ZBBX: variants seen among roughly 807,000 people sequenced by gnomAD.
ZBBX encodes the protein zinc finger B-box domain containing.
A neutral mutation model predicts 108.5 loss-of-function variants in ZBBX; 101 were observed. The observed-to-expected ratio is 0.93, with a 90% CI of 0.79 to 1.10. ZBBX has a LOEUF of 1.10. Ranked by LOEUF, ZBBX falls within the 50% of genes least tolerant of loss-of-function variation. The probability of loss-of-function intolerance (pLI) is 0.00; values close to 1 mark genes in which losing one functional copy is unlikely to be tolerated. For missense variants in ZBBX, 1,009 were observed against 941.4 expected (o/e 1.07, Z -0.94); for synonymous variants, 356 against 323.4 (o/e 1.10, Z -1.08).
At chr3:167,287,654 A>G (rs1322918903) in intron 19 of ZBBX, among the ~76,000 whole-genome samples, 1 of 152,130 alleles carries the variant, frequency 6.6e-6, no homozygotes, top group African/African-American at 2.4e-5. Flanking sequence ...TGTCTTTGTA[A>G]TAAATTTCTC....
At chr3:167,183,523 T>C in the ZBBX span, among the ~76,000 whole-genome samples, 1 of 152,242 alleles carries the variant, frequency 6.6e-6, no homozygotes, top group Non-Finnish European at 1.5e-5. Flanking sequence ...ATCAGGGGGC[T>C]GACAGCCTTC....
intron 18 of ZBBX, among the ~76,000 whole-genome samples, chr3:167,292,097 A>C (rs1730792239): frequency 6.6e-6 from 1 of 152,110 alleles, no homozygotes; most frequent in South Asian, 2.1e-4. Context: ...CTCCTATACA[A>C]TAATAGTGGG....
rs147712616 is a variant in ZBBX, at chr3:167,262,526, T to G, written c.2254+19712A>C. Among the ~76,000 whole-genome samples, 452 of 152,302 alleles carry G rather than the reference T, an allele frequency of 3.0e-3. 2 individuals are homozygous for G. The highest frequency in any genetic ancestry group is 0.01 in the African/African-American group (422 of 41,556). On this transcript the variant is annotated intron_variant, in intron 20 of 21. Coordinates refer to ENST00000675490, the MANE Select transcript of ZBBX (RefSeq NM_001199201.2). The stretch of plus-strand genomic sequence containing the variant: ...TTTATATTGGGAGACATTTTTGGTT[T>G]GTTTGTTTGTTTTGAGATGGGGTTT...
the ZBBX span, among the ~76,000 whole-genome samples, chr3:167,193,010 C>G: frequency 5.9e-5 from 9 of 152,060 alleles, no homozygotes; most frequent in Admixed American, 1.3e-4. Flanking sequence ...GTCATGGTTT[C>G]CTGCTTGCTG....
chr3:167,372,891 T>C lies in ZBBX; in HGVS notation c.11A>G (p.Lys4Arg), dbSNP rs1266413895. The C allele has an allele frequency of 1.2e-6, 2 of 1,601,402 alleles. No individual in the cohort carries two copies. Among genetic ancestry groups the C allele is most frequent in the African/African-American group, 2.7e-5 (2 of 74,326 alleles). MNR[K>R]DFVVLPWGKP... ...TCCCCATGGAAGAACTACAAAATCT[T>C]TTCTGTTCATGATTACCACCTTAAT... The change falls in exon 4 of 22, where the codon AAA (lysine) becomes AGA (arginine). Residue 4 changes from lysine to arginine, a missense_variant. Coordinates refer to ENST00000675490, the MANE Select transcript of ZBBX (RefSeq NM_001199201.2).
chr3:167,276,248 T>A (rs957240360), intron 20 of ZBBX, among the ~76,000 whole-genome samples: 8 of 152,198 alleles, frequency 5.3e-5, no homozygotes, highest in Non-Finnish European at 8.8e-5. Flanking sequence ...GGAGAATGAC[T>A]TTGACGAGCT....
chr3:167,234,602 C>T, the ZBBX span, among the ~76,000 whole-genome samples: 1 of 151,724 alleles, frequency 6.6e-6, no homozygotes, highest in Non-Finnish European at 1.5e-5. Flanking sequence ...ATTTAAATCT[C>T]AAAAGAATTG....
At chr3:167,293,538 A>G (rs1281493121) in intron 18 of ZBBX, among the ~76,000 whole-genome samples, 1 of 152,230 alleles carries the variant, frequency 6.6e-6, no homozygotes. Flanking sequence ...TATTGATGAA[A>G]CATATCTCAA....
chr3:167,249,768 G>A (rs2108351755), intron 20 of ZBBX, among the ~76,000 whole-genome samples: 1 of 152,316 alleles, frequency 6.6e-6, no homozygotes, highest in South Asian at 2.1e-4. Flanking sequence ...TGCTCTGTCA[G>A]CAGCGGAGAG....
At chr3:167,237,362 C>T (rs933054242), downstream of ZBBX, among the ~76,000 whole-genome samples, 1 of 151,898 alleles carries the variant, frequency 6.6e-6, no homozygotes, top group African/African-American at 2.4e-5. Flanking sequence ...ACTATTACAG[C>T]ACTACACAAG....
At chr3:167,342,691 G>A (rs746279023) in intron 9 of ZBBX, among the ~76,000 whole-genome samples, 3 of 150,676 alleles carry the variant, frequency 2.0e-5, no homozygotes, top group Non-Finnish European at 3.0e-5. Context: ...AAATTTGACT[G>A]TTTAAAATAT....
intron 6 of ZBBX, among the ~76,000 whole-genome samples, chr3:167,364,041 G>A (rs886340549): frequency 2.6e-5 from 4 of 151,976 alleles, no homozygotes; most frequent in Admixed American, 6.6e-5. Context: ...TTAAGTGAAT[G>A]TTAATCTATA....
chr3:167,203,106 C>A, the ZBBX span, among the ~76,000 whole-genome samples: 15 of 151,976 alleles, frequency 9.9e-5, no homozygotes, highest in Non-Finnish European at 1.5e-4. Context: ...AACTAGCTGA[C>A]CTAAAAAAAA....
the ZBBX span, among the ~76,000 whole-genome samples, chr3:167,178,472 A>G: frequency 5.3e-5 from 8 of 152,190 alleles, no homozygotes; most frequent in Non-Finnish European, 1.2e-4. Context: ...ATCTGTCCAC[A>G]GGTAGGTGGC....
At chr3:167,377,243 A>G (rs1747105727) in intron 2 of ZBBX, among the ~76,000 whole-genome samples, 1 of 152,222 alleles carries the variant, frequency 6.6e-6, no homozygotes, top group Non-Finnish European at 1.5e-5. Context: ...CTACTGCCAC[A>G]GAATGGAAAC....
At chr3:167,381,617 T>C (rs890998167), upstream of ZBBX, among the ~76,000 whole-genome samples, 1 of 152,178 alleles carries the variant, frequency 6.6e-6, no homozygotes. Context: ...ACTGGTTTTC[T>C]TGCACAGACT....
the ZBBX span, among the ~76,000 whole-genome samples, chr3:167,180,107 C>T: frequency 3.9e-5 from 6 of 152,284 alleles, no homozygotes; most frequent in East Asian, 1.2e-3. Flanking sequence ...TGCTCTCGAA[C>T]AACAACACCA....
upstream of ZBBX, among the ~76,000 whole-genome samples, chr3:167,380,880 A>AGT (rs1180959442): frequency 3.3e-3 from 494 of 151,508 alleles, 4 homozygotes; most frequent in South Asian, 0.024. Flanking sequence ...ACACACACAC[A>AGT]CACACACACA....
intron 16 of ZBBX, among the ~76,000 whole-genome samples, chr3:167,309,853 G>A (rs1045013224): frequency 3.3e-5 from 5 of 152,196 alleles, no homozygotes; most frequent in South Asian, 4.1e-4. Context: ...CATGTGGCTC[G>A]AATTTCTCCC....
Sources: allele counts gnomAD v4.1 joint callset (sites outside exome capture counted in the v4.1 genomes callset), GRCh38; gene constraint gnomAD v4.1.1; transcripts MANE v1.5; gene names NCBI Gene and HGNC (gene_info 2026-07-23, HGNC 2026-07-21).